FAM241A: variants seen among roughly 807,000 people sequenced by gnomAD.
FAM241A encodes the protein uncharacterized protein FAM241A.
Under a neutral mutation model 12.2 loss-of-function variants are expected in FAM241A, and 7 were observed. The observed-to-expected ratio is 0.58, with a 90% confidence interval of 0.33 to 1.08. FAM241A has a LOEUF of 1.08. Ranked by LOEUF, FAM241A falls within the 50% of genes least tolerant of loss-of-function variation. FAM241A has a pLI of 0.04. For synonymous variants in FAM241A, 74 were observed against 68.2 expected, an observed-to-expected ratio of 1.08 and a Z score of -0.42; for missense variants, 161 against 169.7, an observed-to-expected ratio of 0.95 and a Z score of 0.29.
Position 112,195,209 on chromosome 4 carries a change from C to T in FAM241A, c.*8271C>T, listed in dbSNP as rs1724245337. The stretch of plus-strand genomic sequence containing the variant: ...TAGCCCAGACATATGTGTTAAATGA[C>T]ATGTATATACTTTGTTATTCTTTCT... On this transcript the variant is annotated 3_prime_UTR_variant, in exon 2 of 2. Coordinates refer to ENST00000309733, the MANE Select transcript of FAM241A (RefSeq NM_152400.3). 6.6e-6 allele frequency: 1 copy of T among 152,214 alleles called. No individual in the cohort carries two copies. Among genetic ancestry groups the T allele is most frequent in the African/African-American group, 2.4e-5 (1 of 41,446 alleles). 9.4% of individuals were successfully genotyped at this position (152,214 alleles called of 1,614,324 possible).
chr4:112,187,671 A>G lies in FAM241A; in HGVS notation c.*733A>G, dbSNP rs1048351038. 1 of 152,566 alleles carries G rather than the reference A, an allele frequency of 6.6e-6. No individual in the cohort carries two copies. The highest frequency in any genetic ancestry group is 1.5e-5 in the Non-Finnish European group (1 of 67,990). The allele number at this position is 152,566 out of a possible 1,614,324, so 9.5% of individuals were successfully genotyped here. On this transcript the variant is annotated 3_prime_UTR_variant, in exon 2 of 2. Coordinates refer to ENST00000309733, the MANE Select transcript of FAM241A (RefSeq NM_152400.3). The stretch of plus-strand genomic sequence containing the variant: ...CTAATTACTTTTTGTGAGTTTTTAA[A>G]GTCTCATAGCCTAGTTGACTGCACC...
At chr4:112,179,943 A>ATATATATATATATG (rs1553921438) in intron 1 of FAM241A, among the ~76,000 whole-genome samples, 13 of 129,482 alleles carry the variant, frequency 1.0e-4, no homozygotes, top group Non-Finnish European at 1.9e-4. Flanking sequence ...ATATATGTAT[A>ATATATATATATATG]TGTGTGTGTG....
At chr4:112,146,894 A>G (rs1362286992) in intron 1 of FAM241A, among the ~76,000 whole-genome samples, 1 of 152,250 alleles carries the variant, frequency 6.6e-6, no homozygotes, top group Non-Finnish European at 1.5e-5. Flanking sequence ...ATAATTTGGT[A>G]GCTTGTTCTT....
rs180779722 is a variant in FAM241A, at chr4:112,167,008, G to A, written c.154-19685G>A. Reference sequence around the variant, plus strand: ...GGGCGCCTGTAGTCCCAGCTACTTGGGAGGCTGAGGCGGGAGAATGGCGTG... The same window carrying A: ...GGGCGCCTGTAGTCCCAGCTACTTGAGAGGCTGAGGCGGGAGAATGGCGTG... On this transcript the variant is annotated intron_variant, in intron 1 of 1. Coordinates refer to ENST00000309733, the MANE Select transcript of FAM241A (RefSeq NM_152400.3). 3.1e-4 allele frequency among the ~76,000 whole-genome samples: 19 copies of A among 62,176 alleles called. 1 individual carries two copies. Among genetic ancestry groups the A allele is most frequent in the Middle Eastern group, 8.8e-3 (1 of 114 alleles). The allele number at this position is 62,176 out of a possible 152,430, so 40.8% of individuals were successfully genotyped here.
In FAM241A at chr4:112,163,134, C is replaced by T. The variant is rs535684374; in HGVS notation, c.153+17401C>T. Among the ~76,000 whole-genome samples the T allele has an allele frequency of 6.6e-5, 10 of 152,290 alleles. No individual in the cohort carries two copies. The East Asian group carries it at 1.5e-3, about 23-fold the overall frequency. On this transcript the variant is annotated intron_variant, in intron 1 of 1. Transcript: ENST00000309733. ...TAGAAAGCTGAAACTAGATCCCTTC[C>T]TTACACCTTGTACAAAAATTAATTC...
At chr4:112,155,012 G>A (rs1021009828) in intron 1 of FAM241A, among the ~76,000 whole-genome samples, 24 of 151,978 alleles carry the variant, frequency 1.6e-4, no homozygotes, top group Non-Finnish European at 2.6e-4. Context: ...CAGCCTGGGC[G>A]ACAGAGCAAA....
At chr4:112,161,977 C>A (rs1187515392) in intron 1 of FAM241A, among the ~76,000 whole-genome samples, 2 of 152,200 alleles carry the variant, frequency 1.3e-5, no homozygotes, top group Non-Finnish European at 2.9e-5. Context: ...AAGTGGGCTT[C>A]ATCCCTGGCA....
intron 1 of FAM241A, among the ~76,000 whole-genome samples, chr4:112,163,716 T>C (rs895232880): frequency 1.3e-5 from 2 of 152,226 alleles, no homozygotes; most frequent in African/African-American, 4.8e-5. Flanking sequence ...GTTGGTTGGA[T>C]TGTAAGCTAG....
intron 1 of FAM241A, among the ~76,000 whole-genome samples, chr4:112,147,687 A>G (rs1481457309): frequency 1.3e-5 from 2 of 152,214 alleles, no homozygotes; most frequent in Non-Finnish European, 1.5e-5. Context: ...GTTTTTATTT[A>G]GGGAGATGAT....
intron 1 of FAM241A, among the ~76,000 whole-genome samples, chr4:112,178,423 G>C (rs1723865836): frequency 6.6e-6 from 1 of 152,102 alleles, no homozygotes; most frequent in Non-Finnish European, 1.5e-5. Context: ...CATATGACTA[G>C]CCAATTAAAT....
chr4:112,175,027 C>CTTA (rs1318134800), intron 1 of FAM241A, among the ~76,000 whole-genome samples: 5 of 152,154 alleles, frequency 3.3e-5, no homozygotes, highest in Admixed American at 6.5e-5. Context: ...GTGTAAAGTG[C>CTTA]TTACCACAAT....
intron 1 of FAM241A, among the ~76,000 whole-genome samples, chr4:112,178,348 TTTTAA>T (rs1383677824): frequency 3.3e-5 from 5 of 152,142 alleles, no homozygotes; most frequent in African/African-American, 4.8e-5. Context: ...TACAGAGAAC[TTTTAA>T]TTTGTCTTGA....
chr4:112,176,474 A>G (rs1723823759), intron 1 of FAM241A, among the ~76,000 whole-genome samples: 1 of 152,240 alleles, frequency 6.6e-6, no homozygotes, highest in Non-Finnish European at 1.5e-5. Flanking sequence ...CACAGCTGAT[A>G]CATGACGGAG....
intron 1 of FAM241A, among the ~76,000 whole-genome samples, chr4:112,147,002 A>G (rs1353165602): frequency 6.6e-6 from 1 of 152,216 alleles, no homozygotes; most frequent in Non-Finnish European, 1.5e-5. Context: ...AGTGAAGAAG[A>G]CAGCACAAGA....
chr4:112,188,015 G>A lies in FAM241A; in HGVS notation c.*1077G>A, dbSNP rs934783387. 3 of 152,064 alleles carry A rather than the reference G, an allele frequency of 2.0e-5. No homozygotes were observed. Among genetic ancestry groups the A allele is most frequent in the Non-Finnish European group, 1.5e-5 (1 of 67,968 alleles). The allele number at this position is 152,064 out of a possible 1,614,324, so 9.4% of individuals were successfully genotyped here. ...TTGATAATCTTTTTCTAAGGCTAAA[G>A]TCACATCAGTAATTGGCTAGCCATG... On this transcript the variant is annotated 3_prime_UTR_variant, in exon 2 of 2. Transcript: ENST00000309733.
chr4:112,152,718 C>T (rs1723269095), intron 1 of FAM241A, among the ~76,000 whole-genome samples: 1 of 152,156 alleles, frequency 6.6e-6, no homozygotes, highest in Admixed American at 6.5e-5. Context: ...TCTTCCACTT[C>T]AGTGCAGAAG....
chr4:112,169,295 T>C (rs1483414971), intron 1 of FAM241A, among the ~76,000 whole-genome samples: 2 of 152,194 alleles, frequency 1.3e-5, no homozygotes, highest in African/African-American at 4.8e-5. Context: ...TTTTCTTCGT[T>C]TTGTCCTAAA....
intron 1 of FAM241A, among the ~76,000 whole-genome samples, chr4:112,166,272 G>T (rs971071902): frequency 1.3e-5 from 2 of 151,468 alleles, no homozygotes; most frequent in Non-Finnish European, 2.9e-5. Flanking sequence ...TAGCAAGTAT[G>T]GTCTGTATCT....
intron 1 of FAM241A, among the ~76,000 whole-genome samples, chr4:112,167,591 G>A (rs1029838757): frequency 1.3e-5 from 2 of 152,198 alleles, no homozygotes; most frequent in African/African-American, 4.8e-5. Context: ...GAGTTGAGAA[G>A]TAATGTTCTG....
Sources: allele counts gnomAD v4.1 joint callset (sites outside exome capture counted in the v4.1 genomes callset), GRCh38; gene constraint gnomAD v4.1.1; transcripts MANE v1.5; gene names NCBI Gene and HGNC (gene_info 2026-07-23, HGNC 2026-07-21).